Variants in PLAGL1 observed in about 807,000 individuals in gnomAD.
PLAGL1 encodes the protein zinc finger protein PLAGL1.
PLAGL1 carries 1 observed loss-of-function variant against 4.6 expected under a neutral mutation model. That is an observed-to-expected ratio of 0.22 (90% CI 0.08 to 1.03). PLAGL1 has a LOEUF of 1.03. Among genes scored for constraint, PLAGL1 ranks in the 50% least tolerant of loss-of-function variants. The pLI is 0.58. For synonymous variants in PLAGL1, 240 were observed against 237.8 expected, an observed-to-expected ratio of 1.01 and a Z score of -0.08; for missense variants, 464 against 570.4, an observed-to-expected ratio of 0.81 and a Z score of 1.90.
In PLAGL1 at chr6:144,004,544, ACATGGT is replaced by A. The variant is rs1254517901; in HGVS notation, c.-584+3540_-584+3545del. ...AAGTTTAAAAACATTTGAAAATAAT[ACATGGT>A]CATAGAAATCGGGACAGTAGTTGAC... On this transcript the variant is annotated intron_variant, in intron 1 of 7. Transcript: ENST00000674357. The surrounding 1 kb of genome is among the most constrained non-coding windows in gnomAD (Gnocchi z 4.2). 5.9e-5 allele frequency among the ~76,000 whole-genome samples: 9 copies of A among 152,254 alleles called. No individual in the cohort carries two copies. Among genetic ancestry groups the A allele is most frequent in the African/African-American group, 2.2e-4 (9 of 41,478 alleles).
At position 143,997,827 on chromosome 6, in the gene PLAGL1, C is replaced by A. The variant is rs1386821984; in HGVS notation, c.-584+10263G>T. Among the ~76,000 whole-genome samples, 1 of 152,062 alleles carries A rather than the reference C, an allele frequency of 6.6e-6. No homozygotes were observed. The highest frequency in any genetic ancestry group is 1.5e-5 in the Non-Finnish European group (1 of 68,020). On this transcript the variant is annotated intron_variant, in intron 1 of 7. Coordinates refer to ENST00000674357, the MANE Select transcript of PLAGL1 (RefSeq NM_001317162.2). This position sits in a 1 kb window ranked among gnomAD's most constrained non-coding sequence, Gnocchi z 4.6. ...CCTCGATGGATGTAATATTGTCTAG[C>A]TTGCTCTTGAATGTGGTTACACAGG...
rs996479757 is a variant in PLAGL1 at position 144,050,027 on chromosome 6, G to A, written c.-151+14441C>T. ...GCGAAAAATGGCAGAAGGGGGAAAG[G>A]GTGAATGGGAGGGAAGCCATTCACA... On this transcript the variant is annotated intron_variant, in intron 1 of 3. Coordinates refer to the PLAGL1 transcript ENST00000437412. The surrounding 1 kb of genome is among the most constrained non-coding windows in gnomAD (Gnocchi z 4.3). 6.6e-6 allele frequency among the ~76,000 whole-genome samples: 1 copy of A among 152,054 alleles called. No homozygotes were observed.
rs972394801 is a variant in PLAGL1 at position 144,053,295 on chromosome 6, G to A, written c.-151+11173C>T. Among the ~76,000 whole-genome samples, 7 of 152,042 alleles carry A rather than the reference G, an allele frequency of 4.6e-5. No individual in the cohort carries two copies. The highest frequency in any genetic ancestry group is 1.7e-4 in the African/African-American group (7 of 41,394). On this transcript the variant is annotated intron_variant, in intron 1 of 3. Transcript: ENST00000437412. The surrounding 1 kb of genome is among the most constrained non-coding windows in gnomAD (Gnocchi z 4.0). ...GATTACAGGCATGCACCATCATGCC[G>A]AGCTAATTTTTGTATTTTTAGTGGA...
At chr6:144,018,100 G>T (rs781696619) in intron 1 of PLAGL1, among the ~76,000 whole-genome samples, 3 of 152,208 alleles carry the variant, frequency 2.0e-5, no homozygotes, top group Non-Finnish European at 4.4e-5. Context: ...AGCCATCAGA[G>T]TAATAATGAA....
chr6:144,020,837 A>AAT (rs1022742284), intron 1 of PLAGL1, among the ~76,000 whole-genome samples: 1 of 145,900 alleles, frequency 6.9e-6, no homozygotes, highest in Non-Finnish European at 1.5e-5. Context: ...TATATAATAT[A>AAT]ATATATATAA....
Position 144,056,296 on chromosome 6 carries a change from C to G in PLAGL1, c.-151+8172G>C, listed in dbSNP as rs186817572. Among the ~76,000 whole-genome samples the G allele has an allele frequency of 2.0e-5, 3 of 152,194 alleles. No individual in the cohort carries two copies. In the South Asian group the frequency reaches 6.2e-4, roughly 32 times the overall value. ...ATTACCGGCATCCCCACCAGGATGG[C>G]GCATTTGTTCCAACTGTTCAATCCA... is the stretch of plus-strand genomic sequence containing the variant. On this transcript the variant is annotated intron_variant, in intron 1 of 3. Transcript: ENST00000437412. This position sits in a 1 kb window ranked among gnomAD's most constrained non-coding sequence, Gnocchi z 4.7.
At chr6:144,046,125 G>T (rs113454527) in intron 1 of PLAGL1, among the ~76,000 whole-genome samples, 3,264 of 152,212 alleles carry the variant, frequency 0.021, 43 homozygotes, top group Non-Finnish European at 0.029. Flanking sequence ...CAATGGGTTT[G>T]AACATCCTCC....
chr6:143,997,052 T>C lies in PLAGL1; in HGVS notation c.-584+11038A>G, dbSNP rs946009944. ...CCAAAAGACAGCATTAAAAGATACA[T>C]AGAAAAGTCATGAAATCATCAAGGA... On this transcript the variant is annotated intron_variant, in intron 1 of 7. Coordinates refer to ENST00000674357, the MANE Select transcript of PLAGL1 (RefSeq NM_001317162.2). This position sits in a 1 kb window ranked among gnomAD's most constrained non-coding sequence, Gnocchi z 4.6. 6.6e-6 allele frequency among the ~76,000 whole-genome samples: 1 copy of C among 152,030 alleles called. No homozygotes were observed. Among genetic ancestry groups the C allele is most frequent in the Non-Finnish European group, 1.5e-5 (1 of 68,010 alleles).
chr6:144,011,656 CT>C (rs1795198530), upstream of PLAGL1, among the ~76,000 whole-genome samples: 1 of 152,100 alleles, frequency 6.6e-6, no homozygotes, highest in Non-Finnish European at 1.5e-5. The surrounding 1 kb of genome is among the most constrained non-coding windows in gnomAD (Gnocchi z 4.3). Context: ...TTGTTTCTAT[CT>C]ACTTGTTCTG....
chr6:143,991,693 C>A (rs539013251), intron 1 of PLAGL1, among the ~76,000 whole-genome samples: 7 of 152,368 alleles, frequency 4.6e-5, no homozygotes, highest in Non-Finnish European at 7.3e-5. Flanking sequence ...CAGGCCTACA[C>A]TCCCTCTCCT....
intron 1 of PLAGL1, among the ~76,000 whole-genome samples, chr6:144,028,687 C>A (rs1292694258): frequency 6.6e-6 from 1 of 152,108 alleles, no homozygotes; most frequent in Non-Finnish European, 1.5e-5. Flanking sequence ...CAGGACAAAA[C>A]AATGATCAGT....
chr6:143,996,679 G>A (rs932036817), intron 1 of PLAGL1, among the ~76,000 whole-genome samples: 1 of 144,208 alleles, frequency 6.9e-6, no homozygotes, highest in African/African-American at 2.6e-5. Flanking sequence ...AGCCATCTTC[G>A]ATCATGAGGT....
intron 1 of PLAGL1, among the ~76,000 whole-genome samples, chr6:144,052,746 G>T (rs565317425): frequency 6.6e-6 from 1 of 152,190 alleles, no homozygotes; most frequent in Non-Finnish European, 1.5e-5. Context: ...AAAAAAAAAT[G>T]TGGGGGAGGG....
At chr6:143,996,615 T>C (rs1401608226) in intron 1 of PLAGL1, among the ~76,000 whole-genome samples, 2 of 67,626 alleles carry the variant, frequency 3.0e-5, no homozygotes, top group Non-Finnish European at 6.8e-5. Context: ...TTTATTCCCT[T>C]TTTTTTTTTT....
rs999941898 is a variant in PLAGL1 at position 144,055,893 on chromosome 6, A to C, written c.-151+8575T>G. Among the ~76,000 whole-genome samples the C allele has an allele frequency of 6.6e-6, 1 of 152,228 alleles. No individual in the cohort carries two copies. Among genetic ancestry groups the C allele is most frequent in the African/African-American group, 2.4e-5 (1 of 41,456 alleles). ...GAGATTCATGTTCCACCTACATGAC[A>C]GCCCTGTGATTTGGGCTAAAATTTA... On this transcript the variant is annotated intron_variant, in intron 1 of 3. Coordinates refer to the PLAGL1 transcript ENST00000437412. This position sits in a 1 kb window ranked among gnomAD's most constrained non-coding sequence, Gnocchi z 5.0.
intron 1 of PLAGL1, among the ~76,000 whole-genome samples, chr6:143,991,978 G>C (rs1184728638): frequency 1.3e-5 from 2 of 152,212 alleles, no homozygotes; most frequent in Non-Finnish European, 2.9e-5. Flanking sequence ...TGTTCTAGAG[G>C]TACAGGCTCC....
rs886732919 is a variant in PLAGL1 at position 143,950,578 on chromosome 6, T to G, written c.-324-2118A>C. Among the ~76,000 whole-genome samples, 2 of 152,186 alleles carry G rather than the reference T, an allele frequency of 1.3e-5. No homozygotes were observed. The highest frequency in any genetic ancestry group is 4.8e-5 in the African/African-American group (2 of 41,436). On this transcript the variant is annotated intron_variant, in intron 6 of 7. Transcript: ENST00000674357. This position sits in a 1 kb window ranked among gnomAD's most constrained non-coding sequence, Gnocchi z 6.3. ...TTAAAAAAGACTAACACACACAGAG[T>G]ATGAAGTTTGAAAATGCATCTTTTT...
rs1370197357 is a variant in PLAGL1, at chr6:143,947,752, C to T, written c.152+233G>A. On this transcript the variant is annotated intron_variant, in intron 7 of 7. Transcript: ENST00000674357. This position sits in a 1 kb window ranked among gnomAD's most constrained non-coding sequence, Gnocchi z 4.3. Reference sequence around the variant, plus strand: ...TATTTCTCCAGCCATGGGGAGAGGCCTGGTATATTGTAGGTGCATAAAAAA... The same window carrying T: ...TATTTCTCCAGCCATGGGGAGAGGCTTGGTATATTGTAGGTGCATAAAAAA... Among the ~76,000 whole-genome samples the T allele has an allele frequency of 1.3e-5, 2 of 152,140 alleles. No homozygotes were observed. The highest frequency in any genetic ancestry group is 2.9e-5 in the Non-Finnish European group (2 of 68,024).
intron 1 of PLAGL1, among the ~76,000 whole-genome samples, chr6:144,038,977 A>G (rs181857907): frequency 5.9e-5 from 9 of 152,344 alleles, no homozygotes. Context: ...GTTTTTTACA[A>G]AAAGAAAAGA....
Sources: gnomAD v4.1 joint callset for allele counts (sites outside exome capture counted in the v4.1 genomes callset) on GRCh38, gnomAD v4.1.1 for gene constraint, Gnocchi (gnomAD v3.1) non-coding constraint, MANE v1.5 for transcripts, NCBI Gene and HGNC (gene_info 2026-07-23, HGNC 2026-07-21) for gene names.